Variants in PARM1 observed in about 807,000 individuals in gnomAD.
The protein encoded by PARM1 is prostate androgen-regulated mucin-like protein 1, also known as WSC4, cell wall integrity and stress response component 4 homolog.
PARM1 carries 14 observed loss-of-function variants against 24.6 expected under a neutral mutation model. The observed-to-expected ratio is 0.57, with a 90% CI of 0.38 to 0.89. The LOEUF (loss-of-function observed/expected upper bound fraction) is 0.89, where lower values mean the gene tolerates loss of function less well. Among genes scored for constraint, PARM1 ranks in the 40% least tolerant of loss-of-function variants. The pLI, the probability that PARM1 is intolerant of heterozygous loss-of-function variation, is 0.00. For missense variants in PARM1, 362 were observed against 380.4 expected, an observed-to-expected ratio of 0.95 and a Z score of 0.40; for synonymous variants, 179 against 156.6, an observed-to-expected ratio of 1.14 and a Z score of -1.07.
At chr4:74,960,873 G>T (rs1396549730) in intron 1 of PARM1, among the ~76,000 whole-genome samples, 1 of 151,864 alleles carries the variant, frequency 6.6e-6, no homozygotes, top group Admixed American at 6.6e-5. Flanking sequence ...AAATTAGCGG[G>T]GTGTGGTGGC....
chr4:75,012,646 G>A lies in PARM1; in HGVS notation c.265G>A (p.Glu89Lys). 6.2e-7 allele frequency: 1 copy of A among 1,613,966 alleles called. No homozygotes were observed. Residue 89 changes from glutamate (E) to lysine (K), a missense_variant, in exon 2 of 4, where the codon GAG (glutamate) becomes AAG (lysine). By Grantham distance (56) the Glu-to-Lys change is moderately conservative (BLOSUM62 1). Transcript: ENST00000307428. ...CATTTCCATAGAGTCCAGAGAAGAG[G>A]AGATCACCAGCCCAGGTTCGAATTG... The part of the protein sequence containing the change: ...KNISIESREE[E>K]ITSPGSNWEG...
chr4:74,950,450 C>G (rs1700665620), intron 1 of PARM1, among the ~76,000 whole-genome samples: 2 of 152,158 alleles, frequency 1.3e-5, no homozygotes, highest in African/African-American at 4.8e-5. Context: ...GTCCAAACTT[C>G]CCTCTTACAA....
At chr4:74,995,716 A>G (rs1295709301) in intron 1 of PARM1, among the ~76,000 whole-genome samples, 3 of 152,114 alleles carry the variant, frequency 2.0e-5, no homozygotes, top group Non-Finnish European at 4.4e-5. Flanking sequence ...CTCCATGGCT[A>G]CTACCTTAGG....
intron 1 of PARM1, among the ~76,000 whole-genome samples, chr4:74,969,116 G>A (rs1436316806): frequency 6.6e-6 from 1 of 152,160 alleles, no homozygotes; most frequent in Non-Finnish European, 1.5e-5. Context: ...GTAGGTGATG[G>A]TGTGTATACA....
At chr4:75,037,388 C>A (rs1285663604) in intron 3 of PARM1, among the ~76,000 whole-genome samples, 1 of 152,172 alleles carries the variant, frequency 6.6e-6, no homozygotes, top group East Asian at 1.9e-4. Context: ...GAAAAGGCAG[C>A]CTCATGATCA....
chr4:75,014,907 A>T (rs1459374470), intron 2 of PARM1, among the ~76,000 whole-genome samples: 1 of 152,218 alleles, frequency 6.6e-6, no homozygotes, highest in Non-Finnish European at 1.5e-5. Context: ...TGAAGGTAAC[A>T]TCTCTGACAT....
At chr4:75,015,450 C>G (rs765839165) in intron 2 of PARM1, among the ~76,000 whole-genome samples, 1 of 152,110 alleles carries the variant, frequency 6.6e-6, no homozygotes, top group Non-Finnish European at 1.5e-5. Flanking sequence ...ACATCACTGA[C>G]CAGTACACAT....
chr4:74,996,934 A>G (rs1474459673), intron 1 of PARM1, among the ~76,000 whole-genome samples: 1 of 152,236 alleles, frequency 6.6e-6, no homozygotes, highest in Non-Finnish European at 1.5e-5. Flanking sequence ...TTTTGATTCA[A>G]TTACATAGCA....
chr4:74,971,114 A>G (rs1286903625), intron 1 of PARM1, among the ~76,000 whole-genome samples: 1 of 152,220 alleles, frequency 6.6e-6, no homozygotes, highest in East Asian at 1.9e-4. Context: ...CAGGGCAAAT[A>G]AAGACATATC....
Position 75,012,999 on chromosome 4 carries a change from C to T in PARM1, c.618C>T (p.Pro206=), listed in dbSNP as rs373904729. 128 of 1,613,906 alleles carry T rather than the reference C, an allele frequency of 7.9e-5. No individual in the cohort carries two copies. The highest frequency in any genetic ancestry group is 1.0e-4 in the Non-Finnish European group (122 of 1,179,900). ...PTEESSSDHT[P]TSHATAEPVP... ...AGGAGTCCAGCTCTGACCACACACC[C>T]ACTTCACATGCCACAGCTGAGCCAG... Residue 206 remains proline, a synonymous_variant, in exon 2 of 4, where the codon CCC becomes CCT. Transcript: ENST00000307428.
intron 2 of PARM1, among the ~76,000 whole-genome samples, chr4:75,033,147 C>T (rs775905024): frequency 6.6e-6 from 1 of 152,036 alleles, no homozygotes; most frequent in East Asian, 1.9e-4. Context: ...AAAATATTCG[C>T]GTGACTTTAT....
At chr4:75,017,217 C>G (rs1292029169) in intron 2 of PARM1, among the ~76,000 whole-genome samples, 1 of 152,146 alleles carries the variant, frequency 6.6e-6, no homozygotes, top group Non-Finnish European at 1.5e-5. Flanking sequence ...TTTCAAAACT[C>G]AGAACAGACT....
chr4:74,986,065 C>T (rs1464540090), intron 1 of PARM1, among the ~76,000 whole-genome samples: 1 of 152,154 alleles, frequency 6.6e-6, no homozygotes, highest in Non-Finnish European at 1.5e-5. Flanking sequence ...CTGCACCCGG[C>T]CTTAGAATAA....
chr4:75,040,362 A>G (rs571482589), intron 3 of PARM1, among the ~76,000 whole-genome samples: 2 of 152,318 alleles, frequency 1.3e-5, no homozygotes, highest in South Asian at 4.1e-4. Flanking sequence ...AACAAATATG[A>G]CCTGCCCCTT....
At chr4:74,937,275 G>A (rs546194480) in intron 1 of PARM1, among the ~76,000 whole-genome samples, 1 of 152,196 alleles carries the variant, frequency 6.6e-6, no homozygotes, top group Non-Finnish European at 1.5e-5. Context: ...TGTTGGGGGT[G>A]GTTGTGAAGA....
chr4:74,948,477 C>T (rs1221625322), intron 1 of PARM1, among the ~76,000 whole-genome samples: 1 of 152,180 alleles, frequency 6.6e-6, no homozygotes, highest in East Asian at 1.9e-4. Context: ...AAGTTATTAT[C>T]CATTACCATG....
intron 3 of PARM1, among the ~76,000 whole-genome samples, chr4:75,042,957 A>C (rs1221500564): frequency 1.3e-5 from 2 of 152,068 alleles, no homozygotes; most frequent in Non-Finnish European, 2.9e-5. Flanking sequence ...GAAAAAAAAA[A>C]AAACAAAGTA....
chr4:74,952,977 A>G (rs1721556418), intron 1 of PARM1, among the ~76,000 whole-genome samples: 2 of 152,238 alleles, frequency 1.3e-5, no homozygotes, highest in African/African-American at 2.4e-5. Context: ...ATTAACATTC[A>G]ATAGATTAAT....
intron 1 of PARM1, chr4:74,994,181 G>A (rs1722530030): frequency 6.6e-6 from 1 of 152,132 alleles, no homozygotes; most frequent in Admixed American, 6.5e-5. Context: ...AAACCAGCTT[G>A]CAAGGGTAAT....
Sources: allele counts gnomAD v4.1 joint callset (sites outside exome capture counted in the v4.1 genomes callset), GRCh38; gene constraint gnomAD v4.1.1; transcripts MANE v1.5; gene names NCBI Gene and HGNC (gene_info 2026-07-23, HGNC 2026-07-21).